THADA: variants seen among roughly 807,000 people sequenced by gnomAD.
THADA encodes the protein tRNA (32-2'-O)-methyltransferase regulator THADA.
THADA carries 213 observed loss-of-function variants against 219.8 expected under a neutral mutation model. That is an observed-to-expected ratio of 0.97 (90% confidence interval 0.87 to 1.09). The LOEUF (loss-of-function observed/expected upper bound fraction) is 1.09, where lower values mean the gene tolerates loss of function less well. Among genes scored for constraint, THADA ranks in the 50% least tolerant of loss-of-function variants. THADA has a pLI of 0.00. For missense variants in THADA, 2,956 were observed against 2,311.3 expected (o/e 1.28, Z -5.72); for synonymous variants, 1,018 against 828.9 (o/e 1.23, Z -3.92).
intron 28 of THADA, among the ~76,000 whole-genome samples, chr2:43,403,939 T>C (rs548490348): frequency 1.3e-5 from 2 of 152,160 alleles, no homozygotes; most frequent in African/African-American, 4.8e-5. Flanking sequence ...GGTCATCTAC[T>C]GACAACCCAA....
At chr2:43,351,482 C>T (rs1268204309) in intron 29 of THADA, among the ~76,000 whole-genome samples, 1 of 151,036 alleles carries the variant, frequency 6.6e-6, no homozygotes, top group Non-Finnish European at 1.5e-5. Context: ...AAAACTCTCC[C>T]CAGCTTTCCT....
At chr2:43,486,145 C>T (rs1686896183) in intron 25 of THADA, among the ~76,000 whole-genome samples, 1 of 152,012 alleles carries the variant, frequency 6.6e-6, no homozygotes, top group Non-Finnish European at 1.5e-5. Context: ...ATTAATATGG[C>T]TAAGAAAATA....
intron 21 of THADA, among the ~76,000 whole-genome samples, chr2:43,531,479 G>A (rs1322763895): frequency 2.0e-5 from 3 of 152,192 alleles, no homozygotes; most frequent in Admixed American, 1.3e-4. Flanking sequence ...AGGCTACAAG[G>A]AAGAGAAGAA....
At chr2:43,316,699 G>A (rs1344469176) in intron 31 of THADA, among the ~76,000 whole-genome samples, 3 of 152,130 alleles carry the variant, frequency 2.0e-5, no homozygotes, top group Admixed American at 6.5e-5. Context: ...AGGCCGAGGC[G>A]GGTGGATCAC....
chr2:43,318,981 T>A (rs1455464444), intron 31 of THADA, among the ~76,000 whole-genome samples: 1 of 152,204 alleles, frequency 6.6e-6, no homozygotes, highest in African/African-American at 2.4e-5. Flanking sequence ...ATGATTATAG[T>A]CAACCATAAA....
At chr2:43,382,301 T>C (rs1054028919) in intron 29 of THADA, among the ~76,000 whole-genome samples, 1 of 152,192 alleles carries the variant, frequency 6.6e-6, no homozygotes, top group African/African-American at 2.4e-5. Context: ...CGTAAGATAG[T>C]AACAATAGGA....
chr2:43,520,627 C>G (rs1692280609), intron 22 of THADA, among the ~76,000 whole-genome samples: 1 of 151,762 alleles, frequency 6.6e-6, no homozygotes, highest in Admixed American at 6.6e-5. Context: ...GAGGTTGAGG[C>G]TGCAATGAGC....
chr2:43,337,173 G>A (rs1167113614), intron 30 of THADA, among the ~76,000 whole-genome samples: 4 of 152,250 alleles, frequency 2.6e-5, no homozygotes, highest in Non-Finnish European at 5.9e-5. Context: ...GCAGGCCTGG[G>A]CCTGAGCAGC....
intron 29 of THADA, among the ~76,000 whole-genome samples, chr2:43,387,800 G>A (rs578150239): frequency 4.6e-5 from 7 of 152,286 alleles, no homozygotes; most frequent in Non-Finnish European, 1.0e-4. Context: ...CAAGAGTGCC[G>A]AGGCTGAGAA....
At chr2:43,595,502 A>T (rs1702049884) in intron 1 of THADA, 1 of 152,400 alleles carries the variant, frequency 6.6e-6, no homozygotes, top group South Asian at 2.1e-4. Context: ...AGGGCTACAC[A>T]AAAGCAGACT....
chr2:43,594,932 A>G lies in THADA; in HGVS notation c.-25+999T>C, dbSNP rs114082544. On this transcript the variant is annotated intron_variant, in intron 1 of 37. Coordinates refer to ENST00000405975, the MANE Select transcript of THADA (RefSeq NM_022065.5). Reference sequence around the variant, plus strand: ...CATTTCCGTTAATTTTCTTCATAGCACTTACTAGTACCAGAAATTACCCTA... The same window carrying G: ...CATTTCCGTTAATTTTCTTCATAGCGCTTACTAGTACCAGAAATTACCCTA... Among the ~76,000 whole-genome samples the G allele has an allele frequency of 3.0e-3, 459 of 152,306 alleles. 4 individuals carry two copies. Among genetic ancestry groups the G allele is most frequent in the African/African-American group, 9.7e-3 (403 of 41,550 alleles).
chr2:43,503,625 T>C (rs950076645), intron 24 of THADA, among the ~76,000 whole-genome samples: 1 of 152,178 alleles, frequency 6.6e-6, no homozygotes, highest in African/African-American at 2.4e-5. Context: ...TGGTTTCAAA[T>C]ATGTTCATTA....
In THADA at chr2:43,556,561, A is replaced by G; in HGVS notation, c.2464-6T>C. On this transcript the variant is annotated splice_polypyrimidine_tract_variant and splice_region_variant and intron_variant, in intron 16 of 37. Transcript: ENST00000405975. Reference sequence around the variant, plus strand: ...CCTTGCAGTTTCCCCGAATCCTAGAATAAAGCGCAGACTCAGTAACTGTCA... The same window carrying G: ...CCTTGCAGTTTCCCCGAATCCTAGAGTAAAGCGCAGACTCAGTAACTGTCA... The G allele has an allele frequency of 1.9e-6, 3 of 1,612,864 alleles. No individual in the cohort carries two copies. The highest frequency in any genetic ancestry group is 1.7e-6 in the Non-Finnish European group (2 of 1,179,198).
chr2:43,349,949 AC>A (rs1368763249), intron 29 of THADA, among the ~76,000 whole-genome samples: 1 of 152,104 alleles, frequency 6.6e-6, no homozygotes, highest in African/African-American at 2.4e-5. Flanking sequence ...CACTGCTTCA[AC>A]CCCCAAAGCT....
rs1225871878 is a variant in THADA, at chr2:43,549,288, A to G, written c.3028T>C (p.Leu1010=). ...TNDYFNQAKI[L]KEHDSFDMKD... is the part of the protein sequence containing the mutation. ...ATATCAAAGCTATCATGTTCTTTCA[A>G]TATTTTGGCTTGGTTAAAATAATCA... The change falls in exon 20 of 38, where the codon TTG becomes CTG. Residue 1010 remains leucine (L), a synonymous_variant. Transcript: ENST00000405975. 1.3e-6 allele frequency: 2 copies of G among 1,598,960 alleles called. No individual in the cohort carries two copies. Among genetic ancestry groups the G allele is most frequent in the Admixed American group, 1.8e-5 (1 of 56,894 alleles).
rs531281382 is a variant in THADA, at chr2:43,439,800, C to T, written c.3837-9498G>A. Among the ~76,000 whole-genome samples, 6 of 152,246 alleles carry T rather than the reference C, an allele frequency of 3.9e-5. No homozygotes were observed. The South Asian group carries it at 8.3e-4, about 21-fold the overall frequency. On this transcript the variant is annotated intron_variant, in intron 26 of 37. Transcript: ENST00000405975. ...ATCCCCCACAGATAAGGGAAGACTA[C>T]TGTAATGTTCTATTTCTTAAACTAG...
At position 43,581,829 on chromosome 2, in the gene THADA, GA is replaced by G; in HGVS notation, c.632del (p.Phe211SerfsTer21). 1 of 1,612,798 alleles carries G rather than the reference GA, an allele frequency of 6.2e-7. No homozygotes were observed. Among genetic ancestry groups the G allele is most frequent in the Non-Finnish European group, 8.5e-7 (1 of 1,179,636 alleles). ...SMMLVQKVQD[F>X]QGNLWKTSDS... ...CGGAAGTCTTCCAAAGATTTCCCTGGAAATCTTGTACTTTCTGTACTAACAT... is the reference window on the plus strand; with the variant it reads ...CGGAAGTCTTCCAAAGATTTCCCTGGAATCTTGTACTTTCTGTACTAACAT... On this transcript the variant is annotated frameshift_variant, in exon 8 of 38. Coordinates refer to ENST00000405975, the MANE Select transcript of THADA (RefSeq NM_022065.5). LOFTEE classifies it high-confidence loss of function.
At chr2:43,425,430 A>G (rs902384532) in intron 28 of THADA, among the ~76,000 whole-genome samples, 4 of 147,330 alleles carry the variant, frequency 2.7e-5, no homozygotes, top group Non-Finnish European at 1.5e-5. Flanking sequence ...ACTACTGTCT[A>G]GCTTGTTAAA....
Position 43,549,373 on chromosome 2 carries a change from G to T in THADA, c.2948-5C>A. ...TCTGTAAGCGGCTTGCTGACTCTGA[G>T]GGAAAGAAATGAGCGTACATGAAAC... On this transcript the variant is annotated splice_region_variant and splice_polypyrimidine_tract_variant and intron_variant, in intron 19 of 37. Transcript: ENST00000405975. 1 of 1,599,086 alleles carries T rather than the reference G, an allele frequency of 6.3e-7. No homozygotes were observed. Among genetic ancestry groups the T allele is most frequent in the Non-Finnish European group, 8.5e-7 (1 of 1,173,474 alleles).
Sources: allele counts gnomAD v4.1 joint callset (sites outside exome capture counted in the v4.1 genomes callset), GRCh38; gene constraint gnomAD v4.1.1; transcripts MANE v1.5; gene names NCBI Gene and HGNC (gene_info 2026-07-23, HGNC 2026-07-21).